The following SH3BGRL2 variants were observed in gnomAD, a reference collection of about 807,000 sequenced individuals.
SH3BGRL2 encodes the protein SH3 domain binding glutamate rich protein like 2.
SH3BGRL2 carries 21 observed loss-of-function variants against 14.8 expected under a neutral mutation model. The ratio of observed to expected loss-of-function variants is 1.42; its 90% CI spans 1.01 to 2.05. SH3BGRL2 has a LOEUF of 2.05. SH3BGRL2 is among the 30% of genes most tolerant of loss of function. SH3BGRL2 has a pLI of 0.00. For synonymous variants in SH3BGRL2, 50 were observed against 47.8 expected (o/e 1.05, Z -0.19); for missense variants, 147 against 130.8 (o/e 1.12, Z -0.61).
the SH3BGRL2 span, among the ~76,000 whole-genome samples, chr6:79,602,939 G>C: frequency 6.6e-6 from 1 of 152,114 alleles, no homozygotes; most frequent in Non-Finnish European, 1.5e-5. Context: ...GGTTAGTAGA[G>C]GAGATTGCAA....
the SH3BGRL2 span, among the ~76,000 whole-genome samples, chr6:79,545,376 C>T: frequency 6.6e-6 from 1 of 152,186 alleles, no homozygotes; most frequent in Admixed American, 6.5e-5. Flanking sequence ...ATGATGCATG[C>T]TTTATTACTC....
intron 1 of SH3BGRL2, among the ~76,000 whole-genome samples, chr6:79,651,545 G>C (rs1769295466): frequency 6.6e-6 from 1 of 152,090 alleles, no homozygotes; most frequent in South Asian, 2.1e-4. Context: ...ACTAAAAGTA[G>C]TTTGTTATAC....
chr6:79,671,633 G>A lies in SH3BGRL2; in HGVS notation c.46-1981G>A, dbSNP rs536501236. 2.4e-4 allele frequency among the ~76,000 whole-genome samples: 37 copies of A among 152,336 alleles called. No individual in the cohort carries two copies. The South Asian group carries it at 6.8e-3, about 28-fold the overall frequency. On this transcript the variant is annotated intron_variant, in intron 1 of 3. Transcript: ENST00000369838. ...TTGTGTGAAGGAAATGATTGTGTAT[G>A]TTATGGCTATTTGGACTCTGGAATT...
At chr6:79,578,177 C>T in the SH3BGRL2 span, among the ~76,000 whole-genome samples, 1 of 152,254 alleles carries the variant, frequency 6.6e-6, no homozygotes, top group African/African-American at 2.4e-5. Flanking sequence ...CTAGACTGCA[C>T]CTCTGTGGGC....
the SH3BGRL2 span, among the ~76,000 whole-genome samples, chr6:79,568,818 C>G: frequency 6.6e-6 from 1 of 151,912 alleles, no homozygotes; most frequent in African/African-American, 2.4e-5. Flanking sequence ...TGGGAGCAGG[C>G]TTATTTTATT....
intron 1 of SH3BGRL2, among the ~76,000 whole-genome samples, 162 bp downstream of exon 1, chr6:79,631,668 C>T (rs1768828576): frequency 6.9e-6 from 1 of 145,252 alleles, no homozygotes; most frequent in African/African-American, 2.5e-5. Flanking sequence ...ATGAAGAGGG[C>T]GGGGAGGAAA....
the SH3BGRL2 span, among the ~76,000 whole-genome samples, chr6:79,622,258 T>C: frequency 2.6e-5 from 4 of 152,196 alleles, no homozygotes; most frequent in Non-Finnish European, 5.9e-5. Context: ...TATTTAGTGC[T>C]GCAGAATTCA....
chr6:79,643,464 G>A (rs1028259411), intron 1 of SH3BGRL2, among the ~76,000 whole-genome samples: 4 of 152,214 alleles, frequency 2.6e-5, no homozygotes, highest in African/African-American at 9.7e-5. Context: ...GCTGATAATT[G>A]TAGGCATGAT....
At chr6:79,564,113 A>G in the SH3BGRL2 span, among the ~76,000 whole-genome samples, 1 of 152,110 alleles carries the variant, frequency 6.6e-6, no homozygotes, top group Non-Finnish European at 1.5e-5. Flanking sequence ...CATACTGAAT[A>G]GTAGTGAAAC....
chr6:79,619,858 G>T, the SH3BGRL2 span, among the ~76,000 whole-genome samples: 3 of 152,030 alleles, frequency 2.0e-5, no homozygotes, highest in Non-Finnish European at 2.9e-5. Flanking sequence ...TAATTTAAAG[G>T]CAATTTTAAA....
chr6:79,605,167 C>T, the SH3BGRL2 span, among the ~76,000 whole-genome samples: 1 of 152,156 alleles, frequency 6.6e-6, no homozygotes, highest in Non-Finnish European at 1.5e-5. Context: ...AAGAATTCTG[C>T]CTTGAGACTG....
chr6:79,551,246 TATTGA>T, the SH3BGRL2 span, among the ~76,000 whole-genome samples: 1 of 152,198 alleles, frequency 6.6e-6, no homozygotes, highest in Non-Finnish European at 1.5e-5. Flanking sequence ...GTAAAAGTTC[TATTGA>T]ATTATAAAAC....
the SH3BGRL2 span, among the ~76,000 whole-genome samples, chr6:79,579,967 T>C: frequency 3.3e-5 from 5 of 151,824 alleles, no homozygotes; most frequent in South Asian, 2.1e-4. Context: ...ATCAAGCAAA[T>C]GGAAAGCAAA....
At chr6:79,571,813 A>G in the SH3BGRL2 span, among the ~76,000 whole-genome samples, 24 of 152,336 alleles carry the variant, frequency 1.6e-4, 1 homozygote, top group Admixed American at 1.4e-3. Context: ...ACTTGGTTAC[A>G]TACTATATGT....
the SH3BGRL2 span, among the ~76,000 whole-genome samples, chr6:79,578,424 C>T: frequency 2.6e-5 from 4 of 152,154 alleles, no homozygotes; most frequent in Non-Finnish European, 5.9e-5. Context: ...ACAAAGCTTC[C>T]GGAGGAAGGA....
chr6:79,611,430 G>T, the SH3BGRL2 span, among the ~76,000 whole-genome samples: 3 of 137,418 alleles, frequency 2.2e-5, no homozygotes, highest in African/African-American at 8.5e-5. Context: ...TTTTTGAGAC[G>T]GAGTCTCACT....
At chr6:79,671,316 A>T (rs1769769348) in intron 1 of SH3BGRL2, among the ~76,000 whole-genome samples, 1 of 152,068 alleles carries the variant, frequency 6.6e-6, no homozygotes, top group Admixed American at 6.6e-5. Context: ...AAAATACAAA[A>T]ATTAGCCAGG....
chr6:79,546,904 A>G, the SH3BGRL2 span, among the ~76,000 whole-genome samples: 1 of 151,378 alleles, frequency 6.6e-6, no homozygotes. Flanking sequence ...CTGGTCTCGA[A>G]CTCCTGACCT....
intron 2 of SH3BGRL2, among the ~76,000 whole-genome samples, chr6:79,682,933 A>G (rs1330816517): frequency 6.6e-6 from 1 of 152,224 alleles, no homozygotes; most frequent in Admixed American, 6.5e-5. Flanking sequence ...CATCATTCTC[A>G]GCAAACTATC....
Sources: gnomAD v4.1 joint callset for allele counts (sites outside exome capture counted in the v4.1 genomes callset) on GRCh38, gnomAD v4.1.1 for gene constraint, MANE v1.5 for transcripts, NCBI Gene and HGNC (gene_info 2026-07-23, HGNC 2026-07-21) for gene names.